The following CD99L2 variants were observed in gnomAD, a reference collection of about 807,000 sequenced individuals.
CD99L2 encodes CD99 molecule like 2.
Under a neutral mutation model 27.3 loss-of-function variants are expected in CD99L2, and 24 were observed. The ratio of observed to expected loss-of-function variants is 0.88; its 90% CI spans 0.64 to 1.24. The LOEUF (loss-of-function observed/expected upper bound fraction) is 1.24. CD99L2 is among the 50% of genes most tolerant of loss of function. CD99L2 has a pLI of 0.00. For missense variants in CD99L2, 255 were observed against 221.6 expected, an observed-to-expected ratio of 1.15 and a Z score of -0.96; for synonymous variants, 97 against 87.9, an observed-to-expected ratio of 1.10 and a Z score of -0.58.
In CD99L2 at chrX:150,779,602, G is replaced by C. The variant is rs782589648; in HGVS notation, c.497-2120C>G. 6.2e-5 allele frequency among the ~76,000 whole-genome samples: 7 copies of C among 112,326 alleles called. No individual in the cohort carries two copies. In the East Asian group the frequency reaches 2.0e-3, roughly 31 times the overall value. On this transcript the variant is annotated intron_variant, in intron 7 of 10. Transcript: ENST00000370377. ...ACCGAGCTTCGCTTACTTCCTCTAGGCACAGGCTGAACCCCGTTACTTTAC... is the reference window on the plus strand; with the variant it reads ...ACCGAGCTTCGCTTACTTCCTCTAGCCACAGGCTGAACCCCGTTACTTTAC...
intron 1 of CD99L2, among the ~76,000 whole-genome samples, chrX:150,881,523 C>T (rs1442534602): frequency 8.9e-6 from 1 of 112,666 alleles, no homozygotes; most frequent in Non-Finnish European, 1.9e-5. Context: ...GAAACACAGT[C>T]AGTGCCCGCA....
intron 1 of CD99L2, among the ~76,000 whole-genome samples, chrX:150,870,762 C>A (rs781848489): frequency 9.0e-6 from 1 of 110,805 alleles, no homozygotes; most frequent in Admixed American, 9.7e-5. Context: ...CTGCACTGCA[C>A]CCCCCCATCC....
At chrX:150,864,094 T>C (rs1603308977) in intron 1 of CD99L2, among the ~76,000 whole-genome samples, 1 of 112,199 alleles carries the variant, frequency 8.9e-6, no homozygotes, top group Non-Finnish European at 1.9e-5. Context: ...AGGAAAGCTG[T>C]ACAAGCACAC....
chrX:150,776,322 C>T, intron 8 of CD99L2, 29 bp from the exon 9 acceptor site: 1 of 1,174,779 alleles, frequency 8.5e-7, no homozygotes, highest in Non-Finnish European at 1.1e-6. Flanking sequence ...GAAATGAGGA[C>T]AGGTGAGGTC....
intron 1 of CD99L2, among the ~76,000 whole-genome samples, chrX:150,888,872 A>G (rs2124384656): frequency 8.9e-6 from 1 of 112,093 alleles, no homozygotes; most frequent in Admixed American, 9.5e-5. Context: ...CTCCTAGCTG[A>G]GGTCCTAGAT....
At chrX:150,824,150 AAGG>A (rs1211476436) in intron 2 of CD99L2, among the ~76,000 whole-genome samples, 12 of 20,316 alleles carry the variant, frequency 5.9e-4, no homozygotes, top group African/African-American at 2.3e-3. Flanking sequence ...GAGAAGAAGG[AAGG>A]AGGAGGAGGA....
chrX:150,840,265 A>T (rs781884934), intron 1 of CD99L2, among the ~76,000 whole-genome samples: 87 of 111,553 alleles, frequency 7.8e-4, no homozygotes, highest in Admixed American at 1.7e-3. Context: ...AAAAGAAAGA[A>T]AAAAAGGTAA....
chrX:150,831,646 T>TGC (rs2046446525), intron 1 of CD99L2, among the ~76,000 whole-genome samples: 1 of 110,972 alleles, frequency 9.0e-6, no homozygotes, highest in Non-Finnish European at 1.9e-5. Context: ...AACCAATGGG[T>TGC]GCTAGGCTTA....
intron 8 of CD99L2, 193 bp downstream of exon 8, chrX:150,777,251 T>C (rs2043573288): frequency 8.4e-6 from 4 of 478,787 alleles, no homozygotes; most frequent in Admixed American, 3.9e-5. Context: ...AGAAATTTCT[T>C]TGTAGGCAAA....
chrX:150,783,915 G>T (rs1426805625), intron 7 of CD99L2, among the ~76,000 whole-genome samples: 1 of 111,895 alleles, frequency 8.9e-6, no homozygotes, highest in Non-Finnish European at 1.9e-5. Context: ...TCACCGTGAA[G>T]ACATCCATTT....
At position 150,858,755 on chromosome X, in the gene CD99L2, T is replaced by C. The variant is rs782072255; in HGVS notation, c.68-27462A>G. Among the ~76,000 whole-genome samples the C allele has an allele frequency of 4.5e-5, 5 of 111,194 alleles. No homozygotes were observed. In the South Asian group the frequency reaches 1.9e-3, roughly 41 times the overall value. ...ACACCTACATCAAAAAGTAGAAAGA[T>C]TTCAAATAATTAGTCTAACAATACA... On this transcript the variant is annotated intron_variant, in intron 1 of 10. Transcript: ENST00000370377.
chrX:150,878,559 G>GA (rs1220358476), intron 1 of CD99L2, among the ~76,000 whole-genome samples: 11 of 94,285 alleles, frequency 1.2e-4, no homozygotes, highest in African/African-American at 3.5e-4. Flanking sequence ...GGAAAGAAAA[G>GA]AAAAAAAAAA....
At chrX:150,805,331 G>A (rs1373578632) in intron 4 of CD99L2, among the ~76,000 whole-genome samples, 1 of 111,533 alleles carries the variant, frequency 9.0e-6, no homozygotes, top group Non-Finnish European at 1.9e-5. Context: ...GGGGTGGGGA[G>A]TAGGGAGATG....
chrX:150,816,303 G>A, intron 2 of CD99L2: 1 of 402,861 alleles, frequency 2.5e-6, no homozygotes, highest in Non-Finnish European at 4.4e-6. Context: ...TGAGGGTGGT[G>A]AGGTGGACAT....
intron 1 of CD99L2, among the ~76,000 whole-genome samples, chrX:150,838,521 T>C (rs1173927323): frequency 3.6e-5 from 4 of 110,656 alleles, no homozygotes; most frequent in Admixed American, 1.9e-4. Flanking sequence ...ATAAAACTTA[T>C]TTTAAAAAAT....
chrX:150,798,470 T>C (rs1323066370), intron 4 of CD99L2, among the ~76,000 whole-genome samples: 1 of 110,290 alleles, frequency 9.1e-6, no homozygotes, highest in African/African-American at 3.3e-5. Context: ...GCTGGGAAAA[T>C]TGGATAGCCA....
intron 2 of CD99L2, among the ~76,000 whole-genome samples, chrX:150,818,285 T>C (rs782268975): frequency 1.8e-4 from 19 of 105,593 alleles, no homozygotes; most frequent in Admixed American, 3.1e-4. Flanking sequence ...TACCACCCAA[T>C]AGCAAAATAC....
intron 4 of CD99L2, among the ~76,000 whole-genome samples, chrX:150,806,598 T>C (rs973415617): frequency 8.9e-6 from 1 of 111,916 alleles, no homozygotes; most frequent in East Asian, 2.8e-4. Context: ...TTCGGAAAAA[T>C]GGCAGTAGAA....
At chrX:150,821,337 T>C (rs782581013) in intron 2 of CD99L2, among the ~76,000 whole-genome samples, 15 of 112,434 alleles carry the variant, frequency 1.3e-4, no homozygotes, top group African/African-American at 4.5e-4. Flanking sequence ...TGTTATAGGA[T>C]TGAGAGTCTA....
Sources: allele counts gnomAD v4.1 joint callset (sites outside exome capture counted in the v4.1 genomes callset), GRCh38; gene constraint gnomAD v4.1.1; transcripts MANE v1.5; gene names NCBI Gene and HGNC (gene_info 2026-07-23, HGNC 2026-07-21).